The following TBC1D19 variants were observed in gnomAD, a reference collection of about 807,000 sequenced individuals.
TBC1D19 encodes TBC1 domain family member 19.
TBC1D19 carries 60 observed loss-of-function variants against 89.0 expected under a neutral mutation model. That is an observed-to-expected ratio of 0.67 (90% CI 0.55 to 0.84). The LOEUF (loss-of-function observed/expected upper bound fraction) is 0.84, where lower values mean the gene tolerates loss of function less well. TBC1D19 is among the 40% of genes least tolerant of loss of function. The probability of loss-of-function intolerance (pLI) is 0.00; values close to 1 mark genes in which losing one functional copy is unlikely to be tolerated. For synonymous variants in TBC1D19, 189 were observed against 199.7 expected (o/e 0.95, Z 0.45); for missense variants, 500 against 610.8 (o/e 0.82, Z 1.91).
intron 10 of TBC1D19, 140 bp from the exon 11 acceptor site, chr4:26,673,636 T>G: frequency 1.6e-6 from 1 of 637,978 alleles, no homozygotes; most frequent in East Asian, 3.0e-5. Flanking sequence ...GAGAATAAAT[T>G]TTAAAAGGTA....
chr4:26,653,857 A>G (rs531502884), intron 7 of TBC1D19, among the ~76,000 whole-genome samples: 1 of 152,104 alleles, frequency 6.6e-6, no homozygotes, highest in South Asian at 2.1e-4. Context: ...TTAATTGGGG[A>G]ATTTAGCCCA....
At chr4:26,610,163 A>G (rs927972320) in intron 1 of TBC1D19, among the ~76,000 whole-genome samples, 1 of 152,044 alleles carries the variant, frequency 6.6e-6, no homozygotes, top group African/African-American at 2.4e-5. Flanking sequence ...AAATGGAGAG[A>G]AAGTATAGAT....
chr4:26,743,718 C>A (rs910516080), intron 18 of TBC1D19, among the ~76,000 whole-genome samples: 9 of 151,672 alleles, frequency 5.9e-5, no homozygotes, highest in African/African-American at 2.2e-4. Flanking sequence ...TCCTTTATAG[C>A]CATTAAAAAA....
chr4:26,637,115 C>A, intron 4 of TBC1D19, 96 bp from the exon 5 acceptor site: 2 of 866,664 alleles, frequency 2.3e-6, no homozygotes, highest in Non-Finnish European at 3.6e-6. Flanking sequence ...TCTCAACCAG[C>A]CTTACCATTT....
At chr4:26,608,367 G>T (rs1391033699) in intron 1 of TBC1D19, among the ~76,000 whole-genome samples, 1 of 152,004 alleles carries the variant, frequency 6.6e-6, no homozygotes. Flanking sequence ...ACAAGAAAAG[G>T]CTCATTGTTC....
intron 1 of TBC1D19, among the ~76,000 whole-genome samples, chr4:26,606,765 G>A (rs779581687): frequency 2.6e-5 from 4 of 152,192 alleles, no homozygotes; most frequent in Non-Finnish European, 4.4e-5. Flanking sequence ...TTCAGGATTA[G>A]CATGATAGCA....
chr4:26,675,741 A>G (rs1243240563), intron 11 of TBC1D19, among the ~76,000 whole-genome samples: 1 of 152,188 alleles, frequency 6.6e-6, no homozygotes, highest in Non-Finnish European at 1.5e-5. Flanking sequence ...TGCACATATA[A>G]TTGTAGTCAT....
chr4:26,706,156 A>G (rs1715726349), intron 13 of TBC1D19, among the ~76,000 whole-genome samples: 1 of 152,188 alleles, frequency 6.6e-6, no homozygotes, highest in Non-Finnish European at 1.5e-5. Flanking sequence ...TGAAGCCATC[A>G]GGACCAAGGC....
At chr4:26,802,659 G>T in the TBC1D19 span, among the ~76,000 whole-genome samples, 1 of 151,950 alleles carries the variant, frequency 6.6e-6, no homozygotes, top group African/African-American at 2.4e-5. Flanking sequence ...AATAAAGCAA[G>T]ATACAGAAAA....
chr4:26,750,281 T>C (rs549305834), intron 19 of TBC1D19, among the ~76,000 whole-genome samples: 2 of 152,254 alleles, frequency 1.3e-5, no homozygotes, highest in Non-Finnish European at 1.5e-5. Flanking sequence ...GTCTGTCCTC[T>C]GAGTGTGCCA....
chr4:26,686,429 T>A (rs1006586785), intron 12 of TBC1D19, among the ~76,000 whole-genome samples: 1 of 151,944 alleles, frequency 6.6e-6, no homozygotes, highest in South Asian at 2.1e-4. Context: ...TTTTTTTTTT[T>A]AACAAACTTG....
At chr4:26,745,497 CTTTTTT>C (rs71186486) in intron 18 of TBC1D19, among the ~76,000 whole-genome samples, 168 of 40,568 alleles carry the variant, frequency 4.1e-3, no homozygotes, top group Non-Finnish European at 5.8e-3. Context: ...CAATATACTT[CTTTTTT>C]TTTTTTTTTT....
chr4:26,603,452 A>G lies in TBC1D19; in HGVS notation c.100-9717A>G, dbSNP rs114988587. ...AGATTCTACATCAAAACTAATCTTT[A>G]GGAAACTACTGCTTAAAAATTTTGG... On this transcript the variant is annotated intron_variant, in intron 1 of 20. Coordinates refer to ENST00000264866, the MANE Select transcript of TBC1D19 (RefSeq NM_018317.4). Among the ~76,000 whole-genome samples the G allele has an allele frequency of 1.4e-3, 209 of 152,362 alleles. 3 individuals are homozygous for G. Among genetic ancestry groups the G allele is most frequent in the African/African-American group, 5.0e-3 (206 of 41,590 alleles).
chr4:26,823,374 A>G, the TBC1D19 span, among the ~76,000 whole-genome samples: 2 of 152,122 alleles, frequency 1.3e-5, no homozygotes, highest in South Asian at 2.1e-4. Flanking sequence ...CCATGTACCT[A>G]TTCCTCAGGC....
chr4:26,720,838 G>A (rs1210500770), intron 15 of TBC1D19, among the ~76,000 whole-genome samples: 1 of 152,050 alleles, frequency 6.6e-6, no homozygotes, highest in Admixed American at 6.6e-5. Context: ...CTGAACTTCA[G>A]GTTCATCATC....
chr4:26,627,827 T>G (rs975019868), intron 4 of TBC1D19, among the ~76,000 whole-genome samples: 261 of 152,184 alleles, frequency 1.7e-3, no homozygotes, highest in African/African-American at 6.1e-3. Flanking sequence ...TTTCTCCCAT[T>G]TTGTAGGTTG....
chr4:26,619,494 C>T (rs919944376), intron 3 of TBC1D19, among the ~76,000 whole-genome samples: 8 of 152,118 alleles, frequency 5.3e-5, no homozygotes, highest in Non-Finnish European at 1.0e-4. Flanking sequence ...CATAAGCCAC[C>T]ACGTTTGGCC....
intron 1 of TBC1D19, among the ~76,000 whole-genome samples, chr4:26,591,685 T>TACC (rs1739819064): frequency 6.6e-6 from 1 of 152,148 alleles, no homozygotes. Flanking sequence ...AAATACAAAC[T>TACC]ACCATCAGAG....
the TBC1D19 span, among the ~76,000 whole-genome samples, chr4:26,769,723 T>A: frequency 6.6e-6 from 1 of 151,962 alleles, no homozygotes; most frequent in Non-Finnish European, 1.5e-5. Flanking sequence ...TTTTTGTATT[T>A]TTTTTGCAGA....
Sources: gnomAD v4.1 joint callset for allele counts (sites outside exome capture counted in the v4.1 genomes callset) on GRCh38, gnomAD v4.1.1 for gene constraint, MANE v1.5 for transcripts, NCBI Gene and HGNC (gene_info 2026-07-23, HGNC 2026-07-21) for gene names.